TEKT5: variants seen among roughly 807,000 people sequenced by gnomAD.
TEKT5 encodes tektin-5.
Under a neutral mutation model 48.7 loss-of-function variants are expected in TEKT5, and 52 were observed. The observed-to-expected ratio is 1.07, with a 90% confidence interval of 0.86 to 1.35. TEKT5 has a LOEUF of 1.35. Among genes scored for constraint, TEKT5 ranks in the 40% most tolerant of loss-of-function variants. TEKT5 has a pLI of 0.00. For missense variants in TEKT5, 831 were observed against 641.6 expected, an observed-to-expected ratio of 1.30 and a Z score of -3.19; for synonymous variants, 318 against 267.6, an observed-to-expected ratio of 1.19 and a Z score of -1.84.
At chr16:10,682,743 G>A (rs562779662) in intron 3 of TEKT5, among the ~76,000 whole-genome samples, 17 of 152,340 alleles carry the variant, frequency 1.1e-4, no homozygotes, top group Admixed American at 3.9e-4. Flanking sequence ...CTGTGCACGA[G>A]AGCAGTCGCA....
chr16:10,674,933 C>G (rs1898618234), intron 5 of TEKT5, among the ~76,000 whole-genome samples: 1 of 151,862 alleles, frequency 6.6e-6, no homozygotes, highest in Non-Finnish European at 1.5e-5. Context: ...AGCGAGTTCT[C>G]CCACCTCAAC....
At chr16:10,677,876 G>A (rs62025834) in intron 4 of TEKT5, among the ~76,000 whole-genome samples, 7,668 of 152,196 alleles carry the variant, frequency 0.05, 257 homozygotes, top group Non-Finnish European at 0.081. Flanking sequence ...GAGGATAGTC[G>A]GCCATGCAGG....
At chr16:10,662,473 A>G (rs1270980081) in intron 5 of TEKT5, among the ~76,000 whole-genome samples, 1 of 152,126 alleles carries the variant, frequency 6.6e-6, no homozygotes, top group Non-Finnish European at 1.5e-5. Flanking sequence ...TTAACCACAA[A>G]CAACTCACTT....
At chr16:10,687,763 A>G (rs1205181774) in intron 3 of TEKT5, among the ~76,000 whole-genome samples, 1 of 152,252 alleles carries the variant, frequency 6.6e-6, no homozygotes, top group Non-Finnish European at 1.5e-5. Flanking sequence ...AAACAAATAA[A>G]TAAACAAATA....
At chr16:10,662,225 C>G (rs2253913) in intron 5 of TEKT5, among the ~76,000 whole-genome samples, 67,067 of 152,006 alleles carry the variant, frequency 0.44, 15,698 homozygotes, top group East Asian at 0.64. Context: ...TTTGTGACAA[C>G]TAAATGTCTT....
chr16:10,682,630 T>G (rs1367123177), intron 3 of TEKT5, among the ~76,000 whole-genome samples: 1 of 152,198 alleles, frequency 6.6e-6, no homozygotes, highest in African/African-American at 2.4e-5. Flanking sequence ...ACCTGGCCCC[T>G]GCTGTCCTTT....
chr16:10,673,782 C>G (rs1429316673), intron 5 of TEKT5, among the ~76,000 whole-genome samples: 1 of 151,154 alleles, frequency 6.6e-6, no homozygotes, highest in African/African-American at 2.4e-5. Flanking sequence ...TCCCGAGTAG[C>G]TGGAATTACA....
chr16:10,682,094 T>G lies in TEKT5; in HGVS notation c.762A>C (p.Glu254Asp), dbSNP rs540818876. ...DAQHVLERDL[E>D]DKSSAQCIDE... ...CGATACACTGGGCCGAGCTTTTGTCTTCGAGGTCCCTCTCCAGCACGTGCT... is the reference window on the plus strand; with the variant it reads ...CGATACACTGGGCCGAGCTTTTGTCGTCGAGGTCCCTCTCCAGCACGTGCT... Residue 254 changes from glutamate (E) to aspartate (D), a missense_variant, in exon 4 of 7, where the codon GAA becomes GAC. Glu to Asp is a conservative substitution (Grantham distance 45, BLOSUM62 2). Coordinates refer to ENST00000283025, the MANE Select transcript of TEKT5 (RefSeq NM_144674.2). 6.2e-7 allele frequency: 1 copy of G among 1,614,198 alleles called. No individual in the cohort carries two copies. The highest frequency in any genetic ancestry group is 2.2e-5 in the East Asian group (1 of 44,884).
chr16:10,639,496 A>AAGGG (rs1398917924), intron 5 of TEKT5, among the ~76,000 whole-genome samples: 6 of 152,204 alleles, frequency 3.9e-5, no homozygotes, highest in African/African-American at 1.4e-4. Flanking sequence ...TTGGGCATCC[A>AAGGG]TGTCCTTAAA....
intron 5 of TEKT5, among the ~76,000 whole-genome samples, chr16:10,647,663 G>A (rs974211673): frequency 6.6e-6 from 1 of 152,042 alleles, no homozygotes; most frequent in Non-Finnish European, 1.5e-5. Flanking sequence ...TCCATTTCCT[G>A]GTCACCATGC....
intron 6 of TEKT5, among the ~76,000 whole-genome samples, chr16:10,631,072 A>G (rs1231574859): frequency 6.7e-6 from 1 of 149,068 alleles, no homozygotes. Flanking sequence ...CTATGTCCAT[A>G]TATATATATA....
intron 5 of TEKT5, among the ~76,000 whole-genome samples, chr16:10,665,775 G>C (rs906876180): frequency 2.0e-5 from 3 of 152,212 alleles, no homozygotes; most frequent in Non-Finnish European, 4.4e-5. Context: ...GACACTGGAA[G>C]GGCTTTTGAT....
At chr16:10,640,103 C>CT (rs1897972552) in intron 5 of TEKT5, among the ~76,000 whole-genome samples, 9 of 69,912 alleles carry the variant, frequency 1.3e-4, no homozygotes, top group African/African-American at 5.8e-4. Context: ...TCCCTCTCCC[C>CT]TCCTCCCGTC....
intron 5 of TEKT5, among the ~76,000 whole-genome samples, chr16:10,666,996 T>C: frequency 8.2e-6 from 1 of 122,310 alleles, no homozygotes; most frequent in South Asian, 2.6e-4. Flanking sequence ...TTTTTTTTTT[T>C]TTTTTGAGAC....
intron 5 of TEKT5, among the ~76,000 whole-genome samples, chr16:10,661,061 G>A (rs1898362624): frequency 6.6e-6 from 1 of 152,064 alleles, no homozygotes; most frequent in South Asian, 2.1e-4. Flanking sequence ...TCAATATACA[G>A]CTTTATGATC....
chr16:10,632,611 T>A (rs1897854623), intron 6 of TEKT5, among the ~76,000 whole-genome samples: 4 of 152,094 alleles, frequency 2.6e-5, no homozygotes, highest in Admixed American at 2.6e-4. Flanking sequence ...AGTTCAATTT[T>A]AAATGGACTT....
At position 10,673,384 on chromosome 16, in the gene TEKT5, G is replaced by A. The variant is rs564079901; in HGVS notation, c.1086+2575C>T. On this transcript the variant is annotated intron_variant, in intron 5 of 6. Coordinates refer to ENST00000283025, the MANE Select transcript of TEKT5 (RefSeq NM_144674.2). ...CTTTTGCAGTATAGAGGCAGAAACCGTATTGCCTGCAAAGCTGAAAACAGT... is the reference window on the plus strand; with the variant it reads ...CTTTTGCAGTATAGAGGCAGAAACCATATTGCCTGCAAAGCTGAAAACAGT... Among the ~76,000 whole-genome samples, 30 of 152,282 alleles carry A rather than the reference G, an allele frequency of 2.0e-4. No homozygotes were observed. In the South Asian group the frequency reaches 3.5e-3, roughly 18 times the overall value.
chr16:10,629,395 C>A (rs2142252641), intron 6 of TEKT5, among the ~76,000 whole-genome samples: 1 of 152,170 alleles, frequency 6.6e-6, no homozygotes, highest in East Asian at 1.9e-4. Flanking sequence ...GGATTACAGG[C>A]ACGTGCCGCC....
chr16:10,674,835 T>G (rs944398835), intron 5 of TEKT5, among the ~76,000 whole-genome samples: 2 of 151,412 alleles, frequency 1.3e-5, no homozygotes, highest in African/African-American at 4.9e-5. Flanking sequence ...ATTTTTTTTT[T>G]TTTTCTTGAT....
Sources: allele counts gnomAD v4.1 joint callset (sites outside exome capture counted in the v4.1 genomes callset), GRCh38; gene constraint gnomAD v4.1.1; transcripts MANE v1.5; gene names NCBI Gene and HGNC (gene_info 2026-07-23, HGNC 2026-07-21).